DIAPH1: variants seen among roughly 807,000 people sequenced by gnomAD.
DIAPH1 encodes protein diaphanous homolog 1.
A neutral mutation model predicts 140.7 loss-of-function variants in DIAPH1; 46 were observed. The observed-to-expected ratio is 0.33, with a 90% CI of 0.26 to 0.42. DIAPH1 has a LOEUF of 0.42. Among genes scored for constraint, DIAPH1 ranks in the 10% least tolerant of loss-of-function variants. The probability of loss-of-function intolerance (pLI) is 1.00; values close to 1 mark genes in which losing one functional copy is unlikely to be tolerated. For synonymous variants in DIAPH1, 565 were observed against 551.6 expected, an observed-to-expected ratio of 1.02 and a Z score of -0.34; for missense variants, 1,310 against 1,558.7, an observed-to-expected ratio of 0.84 and a Z score of 2.69.
intron 1 of DIAPH1, among the ~76,000 whole-genome samples, chr5:141,606,966 A>C (rs2099901079): frequency 6.6e-6 from 1 of 151,856 alleles, no homozygotes; most frequent in African/African-American, 2.4e-5. Context: ...GCTATTAAAA[A>C]AAAAAAAAAA....
At chr5:141,519,854 CTTG>C (rs1021453105) in intron 27 of DIAPH1, among the ~76,000 whole-genome samples, 2 of 152,134 alleles carry the variant, frequency 1.3e-5, no homozygotes, top group African/African-American at 2.4e-5. Context: ...AACTTACTCA[CTTG>C]TTATTAGACT....
At chr5:141,588,687 T>G (rs1228055784) in intron 1 of DIAPH1, among the ~76,000 whole-genome samples, 1 of 152,172 alleles carries the variant, frequency 6.6e-6, no homozygotes, top group South Asian at 2.1e-4. Flanking sequence ...TATAGAATGC[T>G]ATAGCCACTT....
At chr5:141,590,811 T>A (rs150891603) in intron 1 of DIAPH1, among the ~76,000 whole-genome samples, 1 of 151,810 alleles carries the variant, frequency 6.6e-6, no homozygotes, top group African/African-American at 2.4e-5. Context: ...GATTCGTCTC[T>A]CTTCCATCCA....
At chr5:141,540,693 G>A (rs1188157734) in intron 18 of DIAPH1, among the ~76,000 whole-genome samples, 2 of 151,784 alleles carry the variant, frequency 1.3e-5, no homozygotes, top group African/African-American at 4.8e-5. Flanking sequence ...TGCGATTACA[G>A]GCATGAGCCA....
chr5:141,566,575 G>C (rs981657212), intron 18 of DIAPH1, among the ~76,000 whole-genome samples: 6 of 152,156 alleles, frequency 3.9e-5, no homozygotes, highest in African/African-American at 1.2e-4. Flanking sequence ...AAGCCCACTG[G>C]GGTGAGGTCT....
chr5:141,596,109 T>G (rs1226968265), intron 1 of DIAPH1, among the ~76,000 whole-genome samples: 2 of 152,000 alleles, frequency 1.3e-5, no homozygotes, highest in African/African-American at 2.4e-5. Context: ...GCAGGTGGAT[T>G]GCGAGGTCAG....
intron 1 of DIAPH1, among the ~76,000 whole-genome samples, chr5:141,608,121 G>A (rs2099901246): frequency 6.6e-6 from 1 of 152,192 alleles, no homozygotes; most frequent in Non-Finnish European, 1.5e-5. Context: ...CACTTGTCTA[G>A]TCAACATTTC....
chr5:141,566,198 T>A (rs2099894349), intron 18 of DIAPH1, among the ~76,000 whole-genome samples: 2 of 152,116 alleles, frequency 1.3e-5, no homozygotes, highest in South Asian at 4.1e-4. Context: ...CTGGGTGGTA[T>A]GACATGAGAT....
chr5:141,562,532 G>A (rs570205529), intron 18 of DIAPH1, among the ~76,000 whole-genome samples: 2 of 149,886 alleles, frequency 1.3e-5, no homozygotes, highest in Admixed American at 6.7e-5. Flanking sequence ...GAGGGAGAAG[G>A]ATGGCATGGA....
chr5:141,550,576 A>C (rs1271237614), intron 18 of DIAPH1: 1 of 154,174 alleles, frequency 6.5e-6, no homozygotes, highest in Non-Finnish European at 1.5e-5. Context: ...CAAGCCCCTA[A>C]CCACAATAAA....
chr5:141,591,709 TATA>T (rs2099898474), intron 1 of DIAPH1, among the ~76,000 whole-genome samples: 1 of 80,838 alleles, frequency 1.2e-5, no homozygotes, highest in African/African-American at 4.7e-5. Flanking sequence ...TATATATATA[TATA>T]TATATATATA....
chr5:141,561,676 C>G (rs184305079), intron 18 of DIAPH1: 92 of 152,130 alleles, frequency 6.0e-4, no homozygotes, highest in African/African-American at 2.1e-3. Flanking sequence ...TGGTATATTC[C>G]CTTCTAATCT....
chr5:141,518,769 C>T (rs561692349), intron 27 of DIAPH1: 5 of 662,732 alleles, frequency 7.5e-6, no homozygotes, highest in Admixed American at 4.8e-5. Flanking sequence ...GCAATCCTCC[C>T]ACCTTGGAAC....
At chr5:141,566,130 G>A (rs758146977) in intron 18 of DIAPH1, among the ~76,000 whole-genome samples, 22 of 152,190 alleles carry the variant, frequency 1.4e-4, no homozygotes, top group Non-Finnish European at 2.1e-4. Flanking sequence ...ATGGATTAGC[G>A]GGGCTGGAGG....
intron 27 of DIAPH1, among the ~76,000 whole-genome samples, chr5:141,521,655 G>A (rs1419773691): frequency 6.6e-6 from 1 of 152,168 alleles, no homozygotes; most frequent in African/African-American, 2.4e-5. Context: ...AAAAAGGAGG[G>A]CTATGAGGCA....
At chr5:141,581,609 C>A (rs967683807) in intron 7 of DIAPH1, among the ~76,000 whole-genome samples, 1 of 152,086 alleles carries the variant, frequency 6.6e-6, no homozygotes, top group Non-Finnish European at 1.5e-5. Flanking sequence ...CTCAGAGGCA[C>A]AGGACTGTGG....
At chr5:141,610,391 C>T (rs1303851259) in intron 1 of DIAPH1, among the ~76,000 whole-genome samples, 1 of 152,152 alleles carries the variant, frequency 6.6e-6, no homozygotes, top group Non-Finnish European at 1.5e-5. Context: ...ACCTCCACCT[C>T]CCAGGTTCAA....
At chr5:141,524,766 T>C (rs1175601320) in intron 26 of DIAPH1, 4 of 188,718 alleles carry the variant, frequency 2.1e-5, no homozygotes, top group East Asian at 1.3e-4. Context: ...AAAGAGTTAA[T>C]GTAGAATCCT....
Position 141,573,875 on chromosome 5 carries a change from C to G in DIAPH1, c.1975G>C (p.Glu659Gln). Residue 659 changes from glutamate (E) to glutamine (Q), a missense_variant, in exon 16 of 28, where the codon GAG (glutamate) becomes CAG (glutamine). Glu to Gln is a conservative substitution (Grantham distance 29). Transcript: ENST00000389054. ...GAGGGTGAAGGGATGCCAACACCCTCAGGCAAAGGAGGGGGTGGAGGGATG... is the reference window on the plus strand; with the variant it reads ...GAGGGTGAAGGGATGCCAACACCCTGAGGCAAAGGAGGGGGTGGAGGGATG... ...ATIPPPPPLP[E>Q]GVGIPSPSSL... is the part of the protein sequence containing the mutation. The G allele has an allele frequency of 6.5e-7, 1 of 1,532,458 alleles. No homozygotes were observed. The highest frequency in any genetic ancestry group is 1.2e-5 in the South Asian group (1 of 80,360). 94.9% of individuals were successfully genotyped at this position (1,532,458 alleles called of 1,614,324 possible). A position where few individuals can be genotyped will look rare whatever the true frequency, so the allele number is the denominator to read the frequency against.
Sources: allele counts gnomAD v4.1 joint callset (sites outside exome capture counted in the v4.1 genomes callset), GRCh38; gene constraint gnomAD v4.1.1; transcripts MANE v1.5; gene names NCBI Gene and HGNC (gene_info 2026-07-23, HGNC 2026-07-21).